The following DLG2 variants were observed in gnomAD, a reference collection of about 807,000 sequenced individuals.
DLG2 encodes discs large MAGUK scaffold protein 2.
Under a neutral mutation model 132.5 loss-of-function variants are expected in DLG2, and 45 were observed. The ratio of observed to expected loss-of-function variants is 0.34; its 90% confidence interval spans 0.27 to 0.44. DLG2 has a LOEUF of 0.44. DLG2 is among the 20% of genes least tolerant of loss of function. The pLI, the probability that DLG2 is intolerant of heterozygous loss-of-function variation, is 1.00. For missense variants in DLG2, 1,045 were observed against 1,196.9 expected (o/e 0.87, Z 1.87); for synonymous variants, 424 against 419.6 (o/e 1.01, Z -0.13).
intron 6 of DLG2, among the ~76,000 whole-genome samples, chr11:84,850,534 T>A (rs1271415545): frequency 1.3e-5 from 2 of 152,158 alleles, no homozygotes; most frequent in African/African-American, 4.8e-5. Flanking sequence ...TCCAACAATG[T>A]ACTGGAATAT....
intron 6 of DLG2, among the ~76,000 whole-genome samples, chr11:85,054,038 G>A (rs1188078333): frequency 5.3e-5 from 8 of 151,744 alleles, no homozygotes; most frequent in Admixed American, 2.6e-4. Context: ...AGGCTGAGGC[G>A]GGTGGATCAC....
chr11:83,806,310 A>G (rs1247327317), intron 17 of DLG2, among the ~76,000 whole-genome samples: 1 of 152,194 alleles, frequency 6.6e-6, no homozygotes, highest in Non-Finnish European at 1.5e-5. Flanking sequence ...AAAAACAGCA[A>G]GTAAACTGTG....
intron 11 of DLG2, among the ~76,000 whole-genome samples, chr11:84,041,988 C>A (rs1230086697): frequency 2.0e-5 from 3 of 151,880 alleles, no homozygotes; most frequent in Non-Finnish European, 4.4e-5. Context: ...ATGTGCCTTT[C>A]ACCTTCCACC....
At chr11:84,462,452 A>G (rs577352275) in intron 7 of DLG2, among the ~76,000 whole-genome samples, 179 of 151,304 alleles carry the variant, frequency 1.2e-3, no homozygotes, top group African/African-American at 4.2e-3. Context: ...TTAAGCATGT[A>G]CATAAATCTA....
At chr11:85,073,548 A>T (rs779578466) in intron 6 of DLG2, among the ~76,000 whole-genome samples, 9 of 151,762 alleles carry the variant, frequency 5.9e-5, no homozygotes, top group Non-Finnish European at 1.0e-4. Context: ...ACTCATATCC[A>T]TTTGCTTTCA....
intron 8 of DLG2, among the ~76,000 whole-genome samples, chr11:84,179,226 T>C (rs1227626327): frequency 6.6e-6 from 1 of 151,450 alleles, no homozygotes. Context: ...TTTGCTAGAG[T>C]TTGGGGCTGA....
chr11:85,245,542 T>C lies in DLG2; in HGVS notation c.186+39678A>G, dbSNP rs1228353677. ...TGACCCACACCATTTCCAACCATTA[T>C]ACAATGGCTTTTGGCCTACTCTGTT... On this transcript the variant is annotated intron_variant, in intron 4 of 27. Coordinates refer to ENST00000376104, the MANE Select transcript of DLG2 (RefSeq NM_001142699.3). Among the ~76,000 whole-genome samples, 20 of 152,168 alleles carry C rather than the reference T, an allele frequency of 1.3e-4. No individual in the cohort carries two copies. The East Asian group carries it at 3.7e-3, about 28-fold the overall frequency.
rs111324085 is a variant in DLG2, at chr11:85,472,427, G to A, written c.40+126230C>T. On this transcript the variant is annotated intron_variant, in intron 3 of 27. Transcript: ENST00000376104. ...AGTGATTCTCCTGCCTCAGCCTCCC[G>A]AGTAGCTGGGACTACAGGCACACCA... Among the ~76,000 whole-genome samples the A allele has an allele frequency of 8.9e-3, 1,356 of 152,102 alleles. 19 individuals are homozygous for A. The highest frequency in any genetic ancestry group is 0.031 in the African/African-American group (1,274 of 41,478).
chr11:83,555,441 G>A (rs2096495503), intron 19 of DLG2, among the ~76,000 whole-genome samples: 1 of 152,188 alleles, frequency 6.6e-6, no homozygotes, highest in Non-Finnish European at 1.5e-5. Context: ...GAGATCCCAG[G>A]TAGTGGGGAA....
At chr11:85,104,872 CAAAAAAAAAAAAA>C (rs56043190) in intron 6 of DLG2, among the ~76,000 whole-genome samples, 3 of 56,054 alleles carry the variant, frequency 5.4e-5, no homozygotes, top group African/African-American at 6.9e-5. Flanking sequence ...GGCTGAATGG[CAAAAAAAAAAAAA>C]AAAAAAAAAA....
intron 16 of DLG2, among the ~76,000 whole-genome samples, chr11:83,850,146 GTGTGTGTGTGTGTGT>G (rs930631314): frequency 7.5e-6 from 1 of 132,652 alleles, no homozygotes; most frequent in African/African-American, 3.4e-5. Context: ...GTGTGTGTGT[GTGTGTGTGTGTGTGT>G]TTTTTTACTT....
intron 3 of DLG2, among the ~76,000 whole-genome samples, chr11:85,506,215 T>C (rs1234740799): frequency 2.0e-5 from 3 of 152,200 alleles, no homozygotes; most frequent in African/African-American, 7.2e-5. Flanking sequence ...CTCTGTCTCC[T>C]TCAGTTCTGC....
At chr11:84,813,587 T>C (rs2153974603) in intron 6 of DLG2, among the ~76,000 whole-genome samples, 1 of 152,182 alleles carries the variant, frequency 6.6e-6, no homozygotes, top group South Asian at 2.1e-4. Context: ...GACTCAAAGA[T>C]ATGTCCAGAT....
At position 84,502,278 on chromosome 11, in the gene DLG2, CCT is replaced by C. The variant is rs2099215896; in HGVS notation, c.519+32290_519+32291del. On this transcript the variant is annotated intron_variant, in intron 7 of 27. Coordinates refer to ENST00000376104, the MANE Select transcript of DLG2 (RefSeq NM_001142699.3). ...TCCTTCCTTCCTTCCTTCCTTCCTTCCTTCTTTCTTTCTTTCTTTCTTTCTTT... is the reference window on the plus strand; with the variant it reads ...TCCTTCCTTCCTTCCTTCCTTCCTTCTCTTTCTTTCTTTCTTTCTTTCTTT... 3.7e-5 allele frequency among the ~76,000 whole-genome samples: 2 copies of C among 53,720 alleles called. 1 individual carries two copies. Among genetic ancestry groups the C allele is most frequent in the African/African-American group, 4.6e-4 (2 of 4,344 alleles). 35.2% of individuals were successfully genotyped at this position (53,720 alleles called of 152,430 possible).
intron 7 of DLG2, among the ~76,000 whole-genome samples, chr11:84,421,240 T>G (rs1009378073): frequency 2.0e-5 from 3 of 152,138 alleles, no homozygotes; most frequent in Non-Finnish European, 4.4e-5. Context: ...TGTGAAGAAA[T>G]AAATATTGTT....
At chr11:83,535,748 A>C (rs746578105) in intron 20 of DLG2, among the ~76,000 whole-genome samples, 11 of 152,214 alleles carry the variant, frequency 7.2e-5, no homozygotes, top group Non-Finnish European at 1.3e-4. Flanking sequence ...ATTTGGGTTG[A>C]AAGTTTCATT....
intron 20 of DLG2, among the ~76,000 whole-genome samples, chr11:83,539,158 G>A (rs2095984891): frequency 1.3e-5 from 2 of 152,114 alleles, no homozygotes; most frequent in Admixed American, 6.5e-5. Flanking sequence ...GCGTGCAACA[G>A]GAATGTTTTG....
intron 11 of DLG2, among the ~76,000 whole-genome samples, chr11:84,005,687 G>A (rs2094542021): frequency 6.6e-6 from 1 of 151,934 alleles, no homozygotes; most frequent in Non-Finnish European, 1.5e-5. Flanking sequence ...GGCATTAATA[G>A]ACATTTCTCA....
chr11:83,983,414 T>C (rs2154176350), intron 11 of DLG2, among the ~76,000 whole-genome samples: 1 of 152,154 alleles, frequency 6.6e-6, no homozygotes, highest in South Asian at 2.1e-4. Flanking sequence ...TTTGGCATTT[T>C]ATACAACAAT....
Sources: allele counts gnomAD v4.1 joint callset (sites outside exome capture counted in the v4.1 genomes callset), GRCh38; gene constraint gnomAD v4.1.1; transcripts MANE v1.5; gene names NCBI Gene and HGNC (gene_info 2026-07-23, HGNC 2026-07-21).